Variants in RASGEF1B observed in about 807,000 individuals in gnomAD.
RASGEF1B encodes ras-GEF domain-containing family member 1B.
Under a neutral mutation model 65.7 loss-of-function variants are expected in RASGEF1B, and 30 were observed. The observed-to-expected ratio is 0.46, with a 90% CI of 0.34 to 0.62. The LOEUF is 0.62. RASGEF1B is among the 20% of genes least tolerant of loss of function. The pLI is 0.01. For missense variants in RASGEF1B, 495 were observed against 580.1 expected, an observed-to-expected ratio of 0.85 and a Z score of 1.51; for synonymous variants, 175 against 194.8, an observed-to-expected ratio of 0.90 and a Z score of 0.85.
intron 13 of RASGEF1B, among the ~76,000 whole-genome samples, chr4:81,428,401 A>C (rs1025078431): frequency 6.6e-6 from 1 of 152,238 alleles, no homozygotes; most frequent in Non-Finnish European, 1.5e-5. Context: ...CTGTGGATTC[A>C]ATCAACTGCA....
At chr4:81,465,096 A>AAAAG (rs1220307297) in intron 1 of RASGEF1B, among the ~76,000 whole-genome samples, 3 of 152,022 alleles carry the variant, frequency 2.0e-5, no homozygotes, top group African/African-American at 7.2e-5. Flanking sequence ...AAAAAAAAAA[A>AAAAG]AAAGAAAGAA....
rs1432935250 is a variant in RASGEF1B, at chr4:81,454,987, GAAGTAAAAAGGTAT to G, written c.438+1650_438+1663del. 11 of 152,188 alleles carry G rather than the reference GAAGTAAAAAGGTAT, an allele frequency of 7.2e-5. No individual in the cohort carries two copies. In the East Asian group the frequency reaches 2.1e-3, roughly 29 times the overall value. 9.4% of individuals were successfully genotyped at this position (152,188 alleles called of 1,614,324 possible). A position where few individuals can be genotyped will look rare whatever the true frequency, so the allele number is the denominator to read the frequency against. On this transcript the variant is annotated intron_variant, in intron 4 of 13. Transcript: ENST00000264400. ...TAACTAGCTGTGTCAAACCTTTTTG[GAAGTAAAAAGGTAT>G]AAGTAAAGTAAAATTAAAACACACT...
chr4:81,452,844 T>C (rs960305762), intron 4 of RASGEF1B: 2 of 152,202 alleles, frequency 1.3e-5, no homozygotes, highest in Non-Finnish European at 2.9e-5. Flanking sequence ...TTTCATTTCA[T>C]GTTTCTTGCA....
intron 4 of RASGEF1B, among the ~76,000 whole-genome samples, chr4:81,448,857 T>A (rs1332885952): frequency 6.6e-6 from 1 of 152,066 alleles, no homozygotes; most frequent in Non-Finnish European, 1.5e-5. Context: ...TTCTGTTGCC[T>A]AGGCTGGAGT....
intron 1 of RASGEF1B, among the ~76,000 whole-genome samples, chr4:81,463,602 T>C (rs1367341255): frequency 6.6e-6 from 1 of 152,220 alleles, no homozygotes; most frequent in African/African-American, 2.4e-5. Context: ...GTCTAGCTGT[T>C]TTCGGAAGGA....
At chr4:81,469,851 T>C (rs180918863) in intron 1 of RASGEF1B, among the ~76,000 whole-genome samples, 9 of 152,208 alleles carry the variant, frequency 5.9e-5, no homozygotes, top group Admixed American at 5.9e-4. Flanking sequence ...AAATGCACCA[T>C]AGGAGAAATA....
intron 1 of RASGEF1B, among the ~76,000 whole-genome samples, chr4:81,464,079 T>C (rs1271022453): frequency 1.3e-5 from 2 of 152,178 alleles, no homozygotes; most frequent in African/African-American, 2.4e-5. Context: ...GCCTTCCTTA[T>C]TGGCAGCAAA....
rs1422967955 is a variant in RASGEF1B at position 81,448,176 on chromosome 4, C to T, written c.547G>A (p.Asp183Asn). Residue 183 changes from aspartate (D) to asparagine (N), a missense_variant, in exon 5 of 14, where the codon GAT becomes AAT. Coordinates refer to ENST00000264400, the MANE Select transcript of RASGEF1B (RefSeq NM_152545.3). ...TTGGTCTTGAGAACTGTGAGCCGAT[C>T]TGTGGATGTGGAGCTGATTTTTGCC... ...VLAKISSTST[D>N]RLTVLKTKPQ... The T allele has an allele frequency of 1.2e-6, 2 of 1,614,114 alleles. No homozygotes were observed. The highest frequency in any genetic ancestry group is 2.2e-5 in the East Asian group (1 of 44,876).
chr4:81,437,622 T>G (rs1469647097), intron 10 of RASGEF1B, among the ~76,000 whole-genome samples: 1 of 152,218 alleles, frequency 6.6e-6, no homozygotes, highest in Non-Finnish European at 1.5e-5. Context: ...GGATTATAAA[T>G]TCTAGATGGC....
intron 13 of RASGEF1B, among the ~76,000 whole-genome samples, chr4:81,430,499 A>T (rs1721393437): frequency 6.6e-6 from 1 of 152,202 alleles, no homozygotes. Context: ...ATACAGGCCC[A>T]CTGGGGCTTC....
chr4:81,445,637 T>C lies in RASGEF1B; in HGVS notation c.826-9A>G, dbSNP rs1721992459. The C allele has an allele frequency of 6.2e-7, 1 of 1,605,494 alleles. No homozygotes were observed. The highest frequency in any genetic ancestry group is 1.3e-5 in the African/African-American group (1 of 74,882). On this transcript the variant is annotated splice_polypyrimidine_tract_variant and intron_variant, in intron 7 of 13. Coordinates refer to ENST00000264400, the MANE Select transcript of RASGEF1B (RefSeq NM_152545.3). Reference sequence around the variant, plus strand: ...TGTTTTTTCTTAACAGGCTACACAGTAAAAGACAATAGAGGGCAGTTATCC... The same window carrying C: ...TGTTTTTTCTTAACAGGCTACACAGCAAAAGACAATAGAGGGCAGTTATCC...
Position 81,456,677 on chromosome 4 carries a change from C to G in RASGEF1B, c.412G>C (p.Ala138Pro). 1 of 1,614,168 alleles carries G rather than the reference C, an allele frequency of 6.2e-7. No homozygotes were observed. The highest frequency in any genetic ancestry group is 8.5e-7 in the Non-Finnish European group (1 of 1,180,014). Residue 138 changes from alanine (A) to proline (P), a missense_variant, in exon 4 of 14, where the codon GCT becomes CCT. By Grantham distance (27) the Ala-to-Pro change is conservative (BLOSUM62 -1). Coordinates refer to ENST00000264400, the MANE Select transcript of RASGEF1B (RefSeq NM_152545.3). ...TCTTCGCCACTGGCTATTCGGTGAG[C>G]CAGATCTTTTAAGTTTCTCATCATT... ...ERMMRNLKDL[A>P]HRIASGEEQT...
At chr4:81,449,073 A>C (rs1722152734) in intron 4 of RASGEF1B, among the ~76,000 whole-genome samples, 1 of 152,090 alleles carries the variant, frequency 6.6e-6, no homozygotes, top group Non-Finnish European at 1.5e-5. Context: ...CAGCCTCCCA[A>C]AGTGCGGGGA....
intron 1 of RASGEF1B, among the ~76,000 whole-genome samples, chr4:81,466,599 A>G (rs1433187506): frequency 6.6e-6 from 1 of 151,744 alleles, no homozygotes; most frequent in Non-Finnish European, 1.5e-5. Context: ...CTCTACTAAA[A>G]ACACAAAAAA....
chr4:81,447,539 C>T lies in RASGEF1B; in HGVS notation c.694G>A (p.Ala232Thr). ...TCCAAAGGGTCCTTCTGCACGAACG[C>T]CTGAACAAATTCTTCTGGCCCAATA... The part of the protein sequence containing the change: ...NYIGPEEFVQ[A>T]FVQKDPLDND... The change falls in exon 6 of 14, where the codon GCG (alanine) becomes ACG (threonine). Residue 232 changes from alanine to threonine, a missense_variant. Physicochemically the swap from Ala to Thr is moderately conservative, Grantham distance 58. Transcript: ENST00000264400. The T allele has an allele frequency of 1.2e-6, 2 of 1,614,060 alleles. No individual in the cohort carries two copies. The highest frequency in any genetic ancestry group is 8.5e-7 in the Non-Finnish European group (1 of 1,179,994).
chr4:81,463,450 C>T (rs928820806), intron 1 of RASGEF1B, among the ~76,000 whole-genome samples: 2 of 152,142 alleles, frequency 1.3e-5, no homozygotes, highest in Non-Finnish European at 2.9e-5. Flanking sequence ...GCCTCTTAGA[C>T]TCAATGAAAT....
intron 11 of RASGEF1B, 122 bp from the exon 12 acceptor site, chr4:81,434,085 T>A: frequency 2.3e-6 from 2 of 859,698 alleles, no homozygotes; most frequent in Non-Finnish European, 3.6e-6. Flanking sequence ...GGTTTCACTC[T>A]GTCACCAAAG....
chr4:81,432,717 T>C (rs1035006), intron 12 of RASGEF1B, among the ~76,000 whole-genome samples: 54,331 of 151,986 alleles, frequency 0.36, 10,898 homozygotes, highest in African/African-American at 0.55. Flanking sequence ...TTCCTGGTAG[T>C]CTGAGTTGTT....
intron 5 of RASGEF1B, 57 bp from the exon 6 acceptor site, chr4:81,447,635 G>C: frequency 7.8e-7 from 1 of 1,283,684 alleles, no homozygotes; most frequent in South Asian, 1.2e-5. Flanking sequence ...GAAATGGACT[G>C]TCAACTCCCT....
Sources: gnomAD v4.1 joint callset for allele counts (sites outside exome capture counted in the v4.1 genomes callset) on GRCh38, gnomAD v4.1.1 for gene constraint, MANE v1.5 for transcripts, NCBI Gene and HGNC (gene_info 2026-07-23, HGNC 2026-07-21) for gene names.